ZBTB20: variants seen among roughly 807,000 people sequenced by gnomAD.
ZBTB20 encodes the protein zinc finger and BTB domain-containing protein 20.
ZBTB20 carries 9 observed loss-of-function variants against 56.9 expected under a neutral mutation model. The observed-to-expected ratio is 0.16, with a 90% CI of 0.10 to 0.28. The LOEUF (loss-of-function observed/expected upper bound fraction) is 0.28. Ranked by LOEUF, ZBTB20 falls within the 10% of genes least tolerant of loss-of-function variation. The pLI is 1.00. For synonymous variants in ZBTB20, 417 were observed against 420.7 expected (o/e 0.99, Z 0.11); for missense variants, 655 against 1,003.0 (o/e 0.65, Z 4.69).
rs79131371 is a variant in ZBTB20 at position 114,804,705 on chromosome 3, C to T, written c.-416-3531G>A. 3.4e-3 allele frequency among the ~76,000 whole-genome samples: 522 copies of T among 151,806 alleles called. 1 individual carries two copies. The highest frequency in any genetic ancestry group is 5.2e-3 in the Non-Finnish European group (355 of 67,824). On this transcript the variant is annotated intron_variant, in intron 4 of 11. Coordinates refer to ENST00000675478, the MANE Select transcript of ZBTB20 (RefSeq NM_001348800.3). ...TACAGAAAAATGAACTCTCCAGTAC[C>T]CATCACCCATAGTCAATTGTTTTTC... is the stretch of plus-strand genomic sequence containing the variant.
intron 2 of ZBTB20, among the ~76,000 whole-genome samples, chr3:114,999,246 G>A (rs1463743215): frequency 2.1e-5 from 3 of 142,422 alleles, no homozygotes; most frequent in Non-Finnish European, 4.6e-5. Context: ...GGAAATGAAA[G>A]CAGGAAGGAA....
intron 6 of ZBTB20, among the ~76,000 whole-genome samples, chr3:114,636,913 A>G (rs2059306452): frequency 3.1e-5 from 1 of 32,020 alleles, no homozygotes; most frequent in Non-Finnish European, 5.7e-5. Flanking sequence ...TAAAACAGCA[A>G]CAACAACAAC....
intron 4 of ZBTB20, among the ~76,000 whole-genome samples, chr3:114,838,057 A>G (rs1463893187): frequency 6.6e-6 from 1 of 152,234 alleles, no homozygotes; most frequent in East Asian, 1.9e-4. Context: ...ATGTGTAAGC[A>G]GAAAGTAGCA....
chr3:115,018,699 T>C (rs990962698), intron 2 of ZBTB20, among the ~76,000 whole-genome samples: 3 of 151,318 alleles, frequency 2.0e-5, no homozygotes, highest in Non-Finnish European at 4.4e-5. Context: ...ATTTGAAAAA[T>C]TGATTATGAG....
chr3:114,912,091 A>G (rs260181), intron 3 of ZBTB20, among the ~76,000 whole-genome samples: 145,669 of 148,982 alleles, frequency 0.98, 71,336 homozygotes, highest in East Asian at 1. Flanking sequence ...AACCTTGTAA[A>G]CCAGGAGGGA....
chr3:114,375,056 A>G (rs964800519), intron 10 of ZBTB20, among the ~76,000 whole-genome samples: 4 of 152,242 alleles, frequency 2.6e-5, no homozygotes, highest in South Asian at 2.1e-4. Flanking sequence ...GCCCTGTAAA[A>G]CTGAAGTATT....
intron 5 of ZBTB20, among the ~76,000 whole-genome samples, chr3:114,789,386 A>G (rs1435003368): frequency 6.6e-6 from 1 of 152,220 alleles, no homozygotes; most frequent in Non-Finnish European, 1.5e-5. Flanking sequence ...ATGAAACAGG[A>G]GTTGGGTTCC....
intron 6 of ZBTB20, among the ~76,000 whole-genome samples, chr3:114,669,950 G>A (rs2061271036): frequency 6.6e-6 from 1 of 151,948 alleles, no homozygotes; most frequent in African/African-American, 2.4e-5. Flanking sequence ...ATATATGAAA[G>A]GAAGAACAAA....
intron 1 of ZBTB20, among the ~76,000 whole-genome samples, chr3:115,071,913 C>T: frequency 6.6e-6 from 1 of 152,148 alleles, no homozygotes; most frequent in East Asian, 1.9e-4. Context: ...CAGGGTTTAG[C>T]TTGCAGCTGG....
chr3:114,772,622 AT>A (rs2069300286), intron 5 of ZBTB20, among the ~76,000 whole-genome samples: 1 of 152,174 alleles, frequency 6.6e-6, no homozygotes, highest in African/African-American at 2.4e-5. Flanking sequence ...TATTAAAAAA[AT>A]CTACTAATAG....
intron 6 of ZBTB20, among the ~76,000 whole-genome samples, chr3:114,513,994 G>A (rs2045697582): frequency 6.6e-6 from 1 of 151,748 alleles, no homozygotes; most frequent in South Asian, 2.1e-4. Flanking sequence ...ATGTGTTTAT[G>A]TATGTGTATA....
chr3:114,482,809 AC>A, intron 7 of ZBTB20, among the ~76,000 whole-genome samples: 2 of 152,332 alleles, frequency 1.3e-5, no homozygotes, highest in Non-Finnish European at 2.9e-5. Context: ...CTAATCAAGG[AC>A]TTTTAAAAAT....
At chr3:114,418,911 C>T (rs191804203) in intron 7 of ZBTB20, 1 of 152,128 alleles carries the variant, frequency 6.6e-6, no homozygotes, top group East Asian at 1.9e-4. Flanking sequence ...TAAGACCTAC[C>T]TGATTAACCA....
At chr3:114,850,221 A>C (rs547884639) in intron 4 of ZBTB20, among the ~76,000 whole-genome samples, 1 of 152,194 alleles carries the variant, frequency 6.6e-6, no homozygotes, top group East Asian at 1.9e-4. Flanking sequence ...ATCTTTCCCA[A>C]AACATCCTGT....
At chr3:114,411,785 T>C (rs1353942315) in intron 7 of ZBTB20, among the ~76,000 whole-genome samples, 1 of 152,054 alleles carries the variant, frequency 6.6e-6, no homozygotes, top group East Asian at 1.9e-4. Flanking sequence ...TAAAATAATA[T>C]TGAAGCACAT....
At chr3:115,106,452 C>T (rs1232033032) in intron 1 of ZBTB20, among the ~76,000 whole-genome samples, 1 of 151,790 alleles carries the variant, frequency 6.6e-6, no homozygotes, top group Non-Finnish European at 1.5e-5. Flanking sequence ...CCAGGATGGT[C>T]TCGATCTCCT....
At chr3:114,928,322 T>C (rs1318363087) in intron 3 of ZBTB20, among the ~76,000 whole-genome samples, 4 of 150,954 alleles carry the variant, frequency 2.6e-5, no homozygotes, top group Middle Eastern at 3.4e-3. Flanking sequence ...TCTTCAATGA[T>C]GGAGAACCTC....
At chr3:115,086,392 A>G (rs1182636496) in intron 1 of ZBTB20, among the ~76,000 whole-genome samples, 1 of 151,766 alleles carries the variant, frequency 6.6e-6, no homozygotes. Context: ...TTTTGTGTCA[A>G]TTGGTGTGAA....
intron 7 of ZBTB20, among the ~76,000 whole-genome samples, chr3:114,421,867 C>T (rs2733393): frequency 0.25 from 37,146 of 150,270 alleles, 5,150 homozygotes; most frequent in Admixed American, 0.35. Context: ...ATTCCCTCTC[C>T]TCCAGTGTCC....
Sources: allele counts gnomAD v4.1 joint callset (sites outside exome capture counted in the v4.1 genomes callset), GRCh38; gene constraint gnomAD v4.1.1; transcripts MANE v1.5; gene names NCBI Gene and HGNC (gene_info 2026-07-23, HGNC 2026-07-21).